PRKCQ: variants seen among roughly 807,000 people sequenced by gnomAD.
PRKCQ encodes protein kinase C theta.
PRKCQ carries 41 observed loss-of-function variants against 91.2 expected under a neutral mutation model. The observed-to-expected ratio is 0.45, with a 90% CI of 0.35 to 0.58. The LOEUF (loss-of-function observed/expected upper bound fraction) is 0.58. Among genes scored for constraint, PRKCQ ranks in the 20% least tolerant of loss-of-function variants. The pLI, the probability that PRKCQ is intolerant of heterozygous loss-of-function variation, is 0.00. For missense variants in PRKCQ, 673 were observed against 896.5 expected, an observed-to-expected ratio of 0.75 and a Z score of 3.18; for synonymous variants, 307 against 316.9, an observed-to-expected ratio of 0.97 and a Z score of 0.33.
In PRKCQ at chr10:6,427,888, A is replaced by C; in HGVS notation, c.*319T>G. ...GCAGTTGGCGCCCAGGTGAAGAGCC[A>C]TAATTTATTGCAGTATCAAGTCTTG... On this transcript the variant is annotated 3_prime_UTR_variant, in exon 18 of 18. Coordinates refer to ENST00000263125, the MANE Select transcript of PRKCQ (RefSeq NM_006257.5). 6.9e-6 allele frequency: 2 copies of C among 291,728 alleles called. No individual in the cohort carries two copies. Among genetic ancestry groups the C allele is most frequent in the Non-Finnish European group, 6.6e-6 (1 of 152,636 alleles). 18.1% of individuals were successfully genotyped at this position (291,728 alleles called of 1,614,324 possible).
chr10:6,516,423 T>C (rs1378444572), intron 1 of PRKCQ, among the ~76,000 whole-genome samples: 2 of 152,212 alleles, frequency 1.3e-5, no homozygotes, highest in African/African-American at 2.4e-5. Flanking sequence ...ATCTGTCACG[T>C]TGCTGAATTA....
chr10:6,504,410 G>T (rs1052834037), intron 4 of PRKCQ, among the ~76,000 whole-genome samples: 10 of 152,132 alleles, frequency 6.6e-5, no homozygotes, highest in African/African-American at 2.4e-4. Flanking sequence ...GAGCCTGCTG[G>T]TCTACCTAGG....
chr10:6,452,491 T>C (rs892658130), intron 15 of PRKCQ, among the ~76,000 whole-genome samples: 1 of 151,640 alleles, frequency 6.6e-6, no homozygotes, highest in African/African-American at 2.4e-5. Flanking sequence ...AAAATGGCCA[T>C]ACTGCCCAAG....
At chr10:6,475,359 C>T (rs960594025) in intron 12 of PRKCQ, among the ~76,000 whole-genome samples, 9 of 152,192 alleles carry the variant, frequency 5.9e-5, no homozygotes, top group Admixed American at 3.9e-4. Context: ...GCTTGAACTT[C>T]GGAATCCAAG....
chr10:6,572,018 C>G (rs1841065270), intron 1 of PRKCQ, among the ~76,000 whole-genome samples: 1 of 152,138 alleles, frequency 6.6e-6, no homozygotes, highest in Non-Finnish European at 1.5e-5. Flanking sequence ...TTAACCTGCA[C>G]ACCTCAGCTG....
intron 16 of PRKCQ, among the ~76,000 whole-genome samples, chr10:6,431,690 G>A (rs1341468605): frequency 6.6e-6 from 1 of 152,188 alleles, no homozygotes; most frequent in Non-Finnish European, 1.5e-5. Flanking sequence ...TGCATTCTTA[G>A]AATGATTCCA....
At chr10:6,564,370 T>C (rs1840756227) in intron 1 of PRKCQ, among the ~76,000 whole-genome samples, 1 of 152,144 alleles carries the variant, frequency 6.6e-6, no homozygotes, top group African/African-American at 2.4e-5. Context: ...CAAAGGCAGC[T>C]GCTGCAGCCT....
At chr10:6,416,299 T>A in the PRKCQ span, among the ~76,000 whole-genome samples, 3 of 152,118 alleles carry the variant, frequency 2.0e-5, no homozygotes, top group African/African-American at 7.2e-5. Context: ...TTTCTGAGAT[T>A]TTGGTGCACC....
At chr10:6,424,012 C>T (rs1304275030), downstream of PRKCQ, among the ~76,000 whole-genome samples, 3 of 151,388 alleles carry the variant, frequency 2.0e-5, no homozygotes, top group Non-Finnish European at 2.9e-5. Flanking sequence ...TGGTAAAGAG[C>T]GTGGTCCCTA....
chr10:6,440,369 G>A (rs1436786308), intron 16 of PRKCQ, among the ~76,000 whole-genome samples: 2 of 152,178 alleles, frequency 1.3e-5, no homozygotes, highest in African/African-American at 2.4e-5. Context: ...GTATCTCAAG[G>A]GTTTCAGCCA....
At chr10:6,552,517 G>A (rs957362529) in intron 1 of PRKCQ, among the ~76,000 whole-genome samples, 74 of 150,706 alleles carry the variant, frequency 4.9e-4, no homozygotes, top group African/African-American at 1.6e-3. Flanking sequence ...CCAGGCTGGA[G>A]TGCAGTGGTG....
chr10:6,465,467 T>C lies in PRKCQ; in HGVS notation c.1354-1063A>G, dbSNP rs1024132168. The stretch of plus-strand genomic sequence containing the variant: ...TCAGCAACTCAATGATGTGAGACAA[T>C]TTTTTTTTCCAATAAATGTATTTAT... On this transcript the variant is annotated intron_variant, in intron 12 of 17. Coordinates refer to ENST00000263125, the MANE Select transcript of PRKCQ (RefSeq NM_006257.5). This position sits in a 1 kb window ranked among gnomAD's most constrained non-coding sequence, Gnocchi z 4.4. Among the ~76,000 whole-genome samples, 2 of 151,608 alleles carry C rather than the reference T, an allele frequency of 1.3e-5. No individual in the cohort carries two copies. Among genetic ancestry groups the C allele is most frequent in the Non-Finnish European group, 2.9e-5 (2 of 67,866 alleles).
chr10:6,535,686 T>C (rs1229460900), intron 1 of PRKCQ, among the ~76,000 whole-genome samples: 2 of 151,978 alleles, frequency 1.3e-5, no homozygotes, highest in Admixed American at 1.3e-4. Flanking sequence ...GAGCGCTGTT[T>C]CAAAACAGCC....
chr10:6,504,538 A>G (rs1237846047), intron 4 of PRKCQ, among the ~76,000 whole-genome samples: 17 of 152,194 alleles, frequency 1.1e-4, no homozygotes, highest in African/African-American at 3.1e-4. Flanking sequence ...TTTAATGCCC[A>G]CACTGTGGAA....
chr10:6,575,677 G>A (rs1336854463), intron 1 of PRKCQ, among the ~76,000 whole-genome samples: 1 of 152,170 alleles, frequency 6.6e-6, no homozygotes, highest in African/African-American at 2.4e-5. Flanking sequence ...CCTGCCATTG[G>A]GCATTCAATG....
rs1349909119 is a variant in PRKCQ at position 6,430,195 on chromosome 10, T to C, written c.1965+615A>G. Among the ~76,000 whole-genome samples, 3 of 152,158 alleles carry C rather than the reference T, an allele frequency of 2.0e-5. No homozygotes were observed. The highest frequency in any genetic ancestry group is 6.5e-5 in the Admixed American group (1 of 15,272). Reference sequence around the variant, plus strand: ...TTTGACTTCACTTTATGGTGGCCCGTCTCGCAGGTGAGCCAGGTCATTCTG... The same window carrying C: ...TTTGACTTCACTTTATGGTGGCCCGCCTCGCAGGTGAGCCAGGTCATTCTG... On this transcript the variant is annotated intron_variant, in intron 17 of 17. Coordinates refer to ENST00000263125, the MANE Select transcript of PRKCQ (RefSeq NM_006257.5). The surrounding 1 kb of genome is among the most constrained non-coding windows in gnomAD (Gnocchi z 4.7).
chr10:6,426,908 G>GTAT (rs769845190), downstream of PRKCQ, among the ~76,000 whole-genome samples: 78 of 152,256 alleles, frequency 5.1e-4, no homozygotes, highest in Admixed American at 1.8e-3. Context: ...GCTAATTTTT[G>GTAT]TATTTTTAGT....
chr10:6,568,764 C>G (rs929314069), intron 1 of PRKCQ, among the ~76,000 whole-genome samples: 3 of 152,136 alleles, frequency 2.0e-5, no homozygotes, highest in African/African-American at 7.2e-5. Context: ...TCCCAAAGTG[C>G]TGAGATAACA....
At chr10:6,545,898 G>T (rs993846481) in intron 1 of PRKCQ, among the ~76,000 whole-genome samples, 1 of 152,104 alleles carries the variant, frequency 6.6e-6, no homozygotes, top group African/African-American at 2.4e-5. Flanking sequence ...AGCTATTCGG[G>T]AGGCTGAGGC....
Sources: gnomAD v4.1 joint callset for allele counts (sites outside exome capture counted in the v4.1 genomes callset) on GRCh38, gnomAD v4.1.1 for gene constraint, Gnocchi (gnomAD v3.1) non-coding constraint, MANE v1.5 for transcripts, NCBI Gene and HGNC (gene_info 2026-07-23, HGNC 2026-07-21) for gene names.